MED13L: variants seen among roughly 807,000 people sequenced by gnomAD.
The protein encoded by MED13L is mediator of RNA polymerase II transcription subunit 13-like.
A neutral mutation model predicts 220.9 loss-of-function variants in MED13L; 7 were observed. The observed-to-expected ratio is 0.03, with a 90% CI of 0.02 to 0.06. The LOEUF is 0.06. Among genes scored for constraint, MED13L ranks in the 10% least tolerant of loss-of-function variants. The probability of loss-of-function intolerance (pLI) is 1.00; values close to 1 mark genes in which losing one functional copy is unlikely to be tolerated. For synonymous variants in MED13L, 1,011 were observed against 1,015.2 expected (o/e 1.00, Z 0.08); for missense variants, 1,965 against 2,760.5 (o/e 0.71, Z 6.46).
chr12:116,157,082 C>T (rs1878500363), intron 2 of MED13L, among the ~76,000 whole-genome samples: 1 of 152,156 alleles, frequency 6.6e-6, no homozygotes, highest in South Asian at 2.1e-4. Flanking sequence ...AAGCTGTATC[C>T]TAAAAATCCA....
chr12:116,259,578 T>C (rs945074748), intron 1 of MED13L, among the ~76,000 whole-genome samples: 1 of 152,188 alleles, frequency 6.6e-6, no homozygotes. Context: ...CAGGACTCCG[T>C]AAGTGGTGAA....
intron 3 of MED13L, among the ~76,000 whole-genome samples, chr12:116,104,403 T>C (rs1238352293): frequency 2.0e-5 from 3 of 152,210 alleles, no homozygotes; most frequent in Admixed American, 1.3e-4. Flanking sequence ...AATGCTATTG[T>C]TATCATAATT....
At chr12:116,276,790 G>A (rs1442501933) in intron 1 of MED13L, 1 of 1,255,502 alleles carries the variant, frequency 8.0e-7, no homozygotes, top group Non-Finnish European at 1.0e-6. Flanking sequence ...GTGCGACCCA[G>A]AATCCGCAGC....
intron 11 of MED13L, chr12:116,007,206 G>A (rs1008873727): frequency 1.8e-4 from 111 of 610,426 alleles, no homozygotes; most frequent in African/African-American, 1.3e-3. Context: ...ATTTATGTTC[G>A]GCTGACTTTT....
intron 4 of MED13L, among the ~76,000 whole-genome samples, chr12:116,039,313 G>A (rs1193655891): frequency 6.6e-6 from 1 of 152,164 alleles, no homozygotes; most frequent in Non-Finnish European, 1.5e-5. Flanking sequence ...CAGCACTGTT[G>A]CAAAATGTCT....
chr12:116,066,566 G>A (rs1240786371), intron 4 of MED13L, among the ~76,000 whole-genome samples: 2 of 151,914 alleles, frequency 1.3e-5, no homozygotes, highest in Non-Finnish European at 2.9e-5. Context: ...GTCAAAAACC[G>A]CAATTACTTT....
chr12:116,056,055 T>C (rs1394942890), intron 4 of MED13L, among the ~76,000 whole-genome samples: 4 of 152,032 alleles, frequency 2.6e-5, no homozygotes, highest in African/African-American at 7.2e-5. Context: ...AAGCCAAGAT[T>C]TCATGGGTGG....
chr12:116,036,701 C>T (rs2137524615), intron 4 of MED13L, among the ~76,000 whole-genome samples: 1 of 152,090 alleles, frequency 6.6e-6, no homozygotes, highest in East Asian at 1.9e-4. Context: ...AAGCAATTTG[C>T]CTCAATATAT....
intron 7 of MED13L, among the ~76,000 whole-genome samples, chr12:116,017,773 G>A (rs1879814507): frequency 6.6e-6 from 1 of 151,964 alleles, no homozygotes; most frequent in Admixed American, 6.6e-5. Context: ...TTGTCACCAT[G>A]CATAGCTCAT....
intron 2 of MED13L, among the ~76,000 whole-genome samples, chr12:116,209,733 A>G (rs768234207): frequency 3.3e-5 from 5 of 152,192 alleles, no homozygotes; most frequent in Admixed American, 6.5e-5. Flanking sequence ...TTTCAGAAAT[A>G]CTTGGAAGTC....
chr12:116,044,047 A>G lies in MED13L; in HGVS notation c.480-21446T>C, dbSNP rs1881687916. Among the ~76,000 whole-genome samples the G allele has an allele frequency of 1.3e-5, 2 of 152,234 alleles. 1 individual carries two copies. The highest frequency in any genetic ancestry group is 4.1e-4 in the South Asian group (2 of 4,834). On this transcript the variant is annotated intron_variant, in intron 4 of 30. Coordinates refer to ENST00000281928, the MANE Select transcript of MED13L (RefSeq NM_015335.5). ...TGTGTCAAGAAAGCATTAAGAGTTC[A>G]TGTGACCAAGAATAACGCCATTGTA...
intron 4 of MED13L, among the ~76,000 whole-genome samples, chr12:116,038,246 T>G (rs1294972555): frequency 2.0e-5 from 3 of 151,816 alleles, no homozygotes; most frequent in Admixed American, 1.3e-4. Flanking sequence ...AAGCAAGGTA[T>G]AAGACATGGG....
At chr12:116,271,040 CAAAAAAAAAAAAAAAAAA>C in intron 1 of MED13L, among the ~76,000 whole-genome samples, 1 of 30,096 alleles carries the variant, frequency 3.3e-5, no homozygotes, top group East Asian at 1.1e-3. Context: ...GACTCCGTCT[CAAAAAAAAAAAAAAAAAA>C]AAAAAAAAAG....
At chr12:115,966,586 G>A (rs138642816) in intron 28 of MED13L, among the ~76,000 whole-genome samples, 3 of 152,256 alleles carry the variant, frequency 2.0e-5, no homozygotes, top group Non-Finnish European at 4.4e-5. Flanking sequence ...ACCACACGCA[G>A]GTGCTCTTTC....
chr12:115,990,478 T>C (rs144043820), intron 17 of MED13L, among the ~76,000 whole-genome samples: 342 of 152,348 alleles, frequency 2.2e-3, no homozygotes, highest in African/African-American at 7.9e-3. Context: ...AGCAAGTTGC[T>C]TGGCACTCTT....
At chr12:116,002,878 C>T (rs1878832656) in intron 14 of MED13L, 125 bp downstream of exon 14, 2 of 804,180 alleles carry the variant, frequency 2.5e-6, no homozygotes, top group East Asian at 2.6e-5. Flanking sequence ...TTTTAATTCA[C>T]AGTTAGAATT....
At chr12:116,220,404 A>G (rs1883241673) in intron 2 of MED13L, among the ~76,000 whole-genome samples, 1 of 152,294 alleles carries the variant, frequency 6.6e-6, no homozygotes, top group South Asian at 2.1e-4. Flanking sequence ...CTGGATTTTA[A>G]AAGAGAACAT....
Position 115,958,913 on chromosome 12 carries a change from G to GACA in MED13L, c.*2350_*2352dup, listed in dbSNP as rs1387347551. 1.3e-5 allele frequency: 2 copies of GACA among 152,400 alleles called. No individual in the cohort carries two copies. Among genetic ancestry groups the GACA allele is most frequent in the African/African-American group, 2.4e-5 (1 of 41,370 alleles). The allele number at this position is 152,400 out of a possible 1,614,324, so 9.4% of individuals were successfully genotyped here. ...CTGAAATATACATACAAGCATGCTG[G>GACA]ACAATCCCACCCTTTTCCCCTCCCC... On this transcript the variant is annotated 3_prime_UTR_variant, in exon 31 of 31. Transcript: ENST00000281928.
At chr12:115,970,570 T>C (rs1310989175) in intron 27 of MED13L, 24 bp downstream of exon 27, 1 of 1,610,592 alleles carries the variant, frequency 6.2e-7, no homozygotes, top group Admixed American at 1.7e-5. Flanking sequence ...AGGTGAGCAC[T>C]ATCCATACAG....
Sources: allele counts gnomAD v4.1 joint callset (sites outside exome capture counted in the v4.1 genomes callset), GRCh38; gene constraint gnomAD v4.1.1; transcripts MANE v1.5; gene names NCBI Gene and HGNC (gene_info 2026-07-23, HGNC 2026-07-21).